Variants in GRID2 observed in about 807,000 individuals in gnomAD.
GRID2 encodes glutamate ionotropic receptor delta type subunit 2, also known as glutamate receptor ionotropic, delta-2.
GRID2 carries 33 observed loss-of-function variants against 114.8 expected under a neutral mutation model. The observed-to-expected ratio is 0.29, with a 90% CI of 0.22 to 0.38. The LOEUF (loss-of-function observed/expected upper bound fraction) is 0.38, where lower values mean the gene tolerates loss of function less well. GRID2 is among the 10% of genes least tolerant of loss of function. GRID2 has a pLI of 1.00. For missense variants in GRID2, 1,184 were observed against 1,257.7 expected, an observed-to-expected ratio of 0.94 and a Z score of 0.89; for synonymous variants, 505 against 449.9, an observed-to-expected ratio of 1.12 and a Z score of -1.55.
At chr4:92,435,994 G>A (rs1732718180) in intron 1 of GRID2, among the ~76,000 whole-genome samples, 1 of 152,096 alleles carries the variant, frequency 6.6e-6, no homozygotes, top group Non-Finnish European at 1.5e-5. Context: ...GAATTGGTGT[G>A]CCATGTGAGA....
chr4:92,961,378 A>AT (rs1349656148), intron 2 of GRID2, among the ~76,000 whole-genome samples: 1 of 148,208 alleles, frequency 6.7e-6, no homozygotes, highest in African/African-American at 2.5e-5. Context: ...CATCCCCTCA[A>AT]ATTTTTTTTT....
chr4:92,354,362 T>A (rs1295398929), intron 1 of GRID2, among the ~76,000 whole-genome samples: 4 of 151,990 alleles, frequency 2.6e-5, no homozygotes, highest in African/African-American at 7.2e-5. Context: ...CTGGTTTTTT[T>A]ATGTTTCTGT....
chr4:93,297,339 A>G (rs1215526541), intron 8 of GRID2, among the ~76,000 whole-genome samples: 1 of 152,192 alleles, frequency 6.6e-6, no homozygotes, highest in Non-Finnish European at 1.5e-5. Context: ...ATCGCCATTA[A>G]AGGCATTTAT....
chr4:92,918,841 G>A (rs1749046176), intron 2 of GRID2, among the ~76,000 whole-genome samples: 1 of 152,120 alleles, frequency 6.6e-6, no homozygotes, highest in South Asian at 2.1e-4. Flanking sequence ...GCCAGACTTT[G>A]GTATCAGGAT....
intron 6 of GRID2, among the ~76,000 whole-genome samples, chr4:93,220,670 C>T (rs1744769477): frequency 6.6e-6 from 1 of 152,050 alleles, no homozygotes; most frequent in African/African-American, 2.4e-5. Context: ...TTGAGTACTT[C>T]CTGATATCCA....
chr4:92,757,670 C>G (rs769586045), intron 2 of GRID2, among the ~76,000 whole-genome samples: 3 of 151,724 alleles, frequency 2.0e-5, no homozygotes, highest in Non-Finnish European at 4.4e-5. Context: ...AAATTCAGCT[C>G]AAGAGCCACT....
At chr4:93,231,982 T>C (rs963307404) in intron 7 of GRID2, among the ~76,000 whole-genome samples, 1 of 152,128 alleles carries the variant, frequency 6.6e-6, no homozygotes, top group Non-Finnish European at 1.5e-5. Context: ...TTAGGATATA[T>C]AAAGCTATGG....
At chr4:92,941,301 G>T (rs1023925321) in intron 2 of GRID2, among the ~76,000 whole-genome samples, 2 of 152,262 alleles carry the variant, frequency 1.3e-5, no homozygotes, top group East Asian at 1.9e-4. Context: ...TCTTGGGAGG[G>T]TGTATGTGTC....
At chr4:92,582,807 G>A (rs1263873851) in intron 1 of GRID2, among the ~76,000 whole-genome samples, 1 of 151,766 alleles carries the variant, frequency 6.6e-6, no homozygotes, top group Admixed American at 6.6e-5. Context: ...GCAACAACGT[G>A]AGACCCCAGT....
chr4:93,233,267 T>G (rs1372976076), intron 7 of GRID2, among the ~76,000 whole-genome samples: 1 of 152,044 alleles, frequency 6.6e-6, no homozygotes, highest in South Asian at 2.1e-4. Flanking sequence ...TGATAAACGA[T>G]GTTGAAATTT....
At chr4:92,759,568 T>A (rs1737888472) in intron 2 of GRID2, among the ~76,000 whole-genome samples, 1 of 152,202 alleles carries the variant, frequency 6.6e-6, no homozygotes, top group East Asian at 2.0e-4. Context: ...ATCAAATATA[T>A]GTTATGTGTG....
chr4:93,219,065 C>T (rs1269725232), intron 6 of GRID2, among the ~76,000 whole-genome samples: 1 of 151,944 alleles, frequency 6.6e-6, no homozygotes, highest in Non-Finnish European at 1.5e-5. Flanking sequence ...ACAGCCAAAC[C>T]ATATCAATAT....
intron 10 of GRID2, among the ~76,000 whole-genome samples, chr4:93,434,189 T>C (rs1339229289): frequency 6.6e-6 from 1 of 152,208 alleles, no homozygotes; most frequent in Admixed American, 6.5e-5. Context: ...GATAGATTGG[T>C]AAAACTTCCT....
intron 5 of GRID2, among the ~76,000 whole-genome samples, chr4:93,214,613 C>A (rs1743969512): frequency 6.6e-6 from 1 of 151,954 alleles, no homozygotes; most frequent in Admixed American, 6.6e-5. Flanking sequence ...TCTTCCCTTC[C>A]CCAAATAATA....
chr4:93,253,510 T>C (rs1749218359), intron 8 of GRID2, among the ~76,000 whole-genome samples: 1 of 152,118 alleles, frequency 6.6e-6, no homozygotes, highest in African/African-American at 2.4e-5. Flanking sequence ...ATTTCCACAA[T>C]ATCAAAAAGG....
chr4:92,777,621 T>C (rs771626569), intron 2 of GRID2, among the ~76,000 whole-genome samples: 2 of 151,454 alleles, frequency 1.3e-5, no homozygotes, highest in Non-Finnish European at 2.9e-5. Context: ...TATTTAGAGA[T>C]AGGGCCATTA....
intron 1 of GRID2, among the ~76,000 whole-genome samples, chr4:92,327,935 T>TGATGCGCTGTGTTAAGGTC (rs1726681503): frequency 6.6e-6 from 1 of 151,966 alleles, no homozygotes. Context: ...TTTGGTAAGA[T>TGATGCGCTGTGTTAAGGTC]GATGCGCTGT....
intron 2 of GRID2, among the ~76,000 whole-genome samples, chr4:92,829,488 G>A (rs956531524): frequency 1.3e-5 from 2 of 152,104 alleles, no homozygotes; most frequent in Non-Finnish European, 2.9e-5. Context: ...CACTGTTGGT[G>A]GGAGTGTAAA....
chr4:93,206,541 TATG>T (rs1197484083), intron 4 of GRID2, among the ~76,000 whole-genome samples: 2 of 151,610 alleles, frequency 1.3e-5, no homozygotes, highest in African/African-American at 2.4e-5. Context: ...TTAGAATATG[TATG>T]ATAAGATTTA....
Sources: allele counts gnomAD v4.1 joint callset (sites outside exome capture counted in the v4.1 genomes callset), GRCh38; gene constraint gnomAD v4.1.1; transcripts MANE v1.5; gene names NCBI Gene and HGNC (gene_info 2026-07-23, HGNC 2026-07-21).